Variants in ARFIP1 observed in about 807,000 individuals in gnomAD.
ARFIP1 encodes the protein arfaptin-1.
ARFIP1 carries 24 observed loss-of-function variants against 42.5 expected under a neutral mutation model. That is an observed-to-expected ratio of 0.57 (90% CI 0.41 to 0.80). ARFIP1 has a LOEUF of 0.80. Among genes scored for constraint, ARFIP1 ranks in the 30% least tolerant of loss-of-function variants. The pLI is 0.00. For missense variants in ARFIP1, 354 were observed against 434.0 expected (o/e 0.82, Z 1.64); for synonymous variants, 141 against 153.7 (o/e 0.92, Z 0.61).
At chr4:152,835,028 G>C (rs1731541066) in intron 2 of ARFIP1, among the ~76,000 whole-genome samples, 1 of 152,134 alleles carries the variant, frequency 6.6e-6, no homozygotes, top group South Asian at 2.1e-4. Flanking sequence ...TTTTCTTCTA[G>C]GCCTCTGGTC....
In ARFIP1 at chr4:152,882,800, T is replaced by C; in HGVS notation, c.711T>C (p.Phe237=). 6.2e-7 allele frequency: 1 copy of C among 1,613,224 alleles called. No individual in the cohort carries two copies. The highest frequency in any genetic ancestry group is 8.5e-7 in the Non-Finnish European group (1 of 1,179,470). ...NGETLLGAIN[F]FIASVNTLVN... is the part of the protein sequence containing the mutation. ...AGACTCTTCTTGGGGCCATTAATTT[T>C]TTCATTGCTAGTGTGAACACTTTGG... The change falls in exon 7 of 9, where the codon TTT becomes TTC. Residue 237 remains phenylalanine, a synonymous_variant. Coordinates refer to ENST00000353617, the MANE Select transcript of ARFIP1 (RefSeq NM_001025595.3).
At chr4:152,903,709 A>G (rs1738037154) in intron 8 of ARFIP1, among the ~76,000 whole-genome samples, 1 of 152,040 alleles carries the variant, frequency 6.6e-6, no homozygotes. Context: ...TTGATTTCCC[A>G]TGGATTAAGT....
At chr4:152,815,772 T>C (rs1344119609) in intron 1 of ARFIP1, among the ~76,000 whole-genome samples, 2 of 131,682 alleles carry the variant, frequency 1.5e-5, no homozygotes, top group Non-Finnish European at 3.1e-5. Context: ...TGAGACGGAG[T>C]CTCGCTCTGT....
At chr4:152,893,467 G>C (rs534054156) in intron 8 of ARFIP1, among the ~76,000 whole-genome samples, 9 of 152,084 alleles carry the variant, frequency 5.9e-5, no homozygotes, top group Admixed American at 1.3e-4. Flanking sequence ...TGAAAAAATA[G>C]TTGAAGGTTA....
At chr4:152,822,079 TAAC>T (rs1730414032) in intron 1 of ARFIP1, among the ~76,000 whole-genome samples, 1 of 151,994 alleles carries the variant, frequency 6.6e-6, no homozygotes, top group Non-Finnish European at 1.5e-5. Flanking sequence ...AGTCACTAGG[TAAC>T]AACATGATGA....
At chr4:152,803,562 C>T (rs1419129541) in intron 1 of ARFIP1, among the ~76,000 whole-genome samples, 1 of 152,098 alleles carries the variant, frequency 6.6e-6, no homozygotes, top group Non-Finnish European at 1.5e-5. Context: ...AATCCACCCC[C>T]AACATCCCCA....
At chr4:152,867,466 G>A (rs746474458) in intron 3 of ARFIP1, among the ~76,000 whole-genome samples, 5 of 152,172 alleles carry the variant, frequency 3.3e-5, no homozygotes, top group Admixed American at 3.3e-4. Flanking sequence ...GCTTCTGCTC[G>A]GCATCAGAGG....
intron 1 of ARFIP1, among the ~76,000 whole-genome samples, chr4:152,825,231 G>A (rs1349404339): frequency 6.6e-6 from 1 of 151,762 alleles, no homozygotes; most frequent in Non-Finnish European, 1.5e-5. Context: ...AACCAAAAAA[G>A]AGCCCAAATA....
Position 152,910,611 on chromosome 4 carries a change from A to C in ARFIP1, c.*392A>C, listed in dbSNP as rs1738769595. The C allele has an allele frequency of 6.3e-6, 1 of 158,954 alleles. No homozygotes were observed. The highest frequency in any genetic ancestry group is 2.4e-5 in the African/African-American group (1 of 41,574). 9.8% of individuals were successfully genotyped at this position (158,954 alleles called of 1,614,324 possible). ...TTTACATGATTTGTATCAACATCAG[A>C]TATTTTATATGTGAATATATTAAAC... is the stretch of plus-strand genomic sequence containing the variant. On this transcript the variant is annotated 3_prime_UTR_variant, in exon 9 of 9. Coordinates refer to ENST00000353617, the MANE Select transcript of ARFIP1 (RefSeq NM_001025595.3).
At chr4:152,890,675 T>A (rs1381950235) in intron 8 of ARFIP1, among the ~76,000 whole-genome samples, 1 of 152,062 alleles carries the variant, frequency 6.6e-6, no homozygotes. Context: ...GGATTGGGAA[T>A]TTTTTCTGTT....
chr4:152,899,964 C>T (rs372965155), intron 8 of ARFIP1, among the ~76,000 whole-genome samples: 2 of 152,074 alleles, frequency 1.3e-5, no homozygotes, highest in African/African-American at 2.4e-5. Context: ...TAGATCTCTC[C>T]GACTCCACAG....
rs1738889953 is a variant in ARFIP1 at position 152,912,077 on chromosome 4, ACATGTC to A, written c.*1862_*1867del. Reference sequence around the variant, plus strand: ...AATGTGAATCTCTTTTGAGAGCTGAACATGTCCATTCTTAACCACATTTCAATAACA... The same window carrying A: ...AATGTGAATCTCTTTTGAGAGCTGAACATTCTTAACCACATTTCAATAACA... On this transcript the variant is annotated 3_prime_UTR_variant, in exon 9 of 9. Transcript: ENST00000353617. The A allele has an allele frequency of 6.6e-6, 1 of 152,346 alleles. No homozygotes were observed. The highest frequency in any genetic ancestry group is 6.5e-5 in the Admixed American group (1 of 15,274). The allele number at this position is 152,346 out of a possible 1,614,324, so 9.4% of individuals were successfully genotyped here.
intron 1 of ARFIP1, among the ~76,000 whole-genome samples, chr4:152,781,375 A>G (rs1449581735): frequency 6.6e-6 from 1 of 150,842 alleles, no homozygotes; most frequent in African/African-American, 2.4e-5. Context: ...AGCTGGGTTT[A>G]CAGGTAGGCG....
chr4:152,861,993 C>A (rs1733932765), intron 2 of ARFIP1, among the ~76,000 whole-genome samples: 1 of 152,118 alleles, frequency 6.6e-6, no homozygotes, highest in South Asian at 2.1e-4. Flanking sequence ...CCAAGCTGTT[C>A]TTACATGTCT....
At chr4:152,877,680 C>T (rs1219568137) in intron 5 of ARFIP1, among the ~76,000 whole-genome samples, 2 of 152,058 alleles carry the variant, frequency 1.3e-5, no homozygotes, top group East Asian at 3.9e-4. Flanking sequence ...TCACCCAAAT[C>T]TCAACTTGAG....
At chr4:152,796,395 C>T in intron 1 of ARFIP1, 1 of 731,126 alleles carries the variant, frequency 1.4e-6, no homozygotes, top group Non-Finnish European at 2.5e-6. Context: ...ACTTCAGTAA[C>T]CATCCTCTTC....
intron 5 of ARFIP1, among the ~76,000 whole-genome samples, chr4:152,876,926 A>G (rs1208662225): frequency 6.6e-6 from 1 of 152,258 alleles, no homozygotes. Flanking sequence ...GTGGGTGCAC[A>G]GAAGTCAGGA....
In ARFIP1 at chr4:152,882,871, A is replaced by G; in HGVS notation, c.782A>G (p.Glu261Gly). ...EDTLMTVKQY[E>G]SARIEYDAYR... ...ACATTAATGACTGTGAAACAGTATG[A>G]AAGTGCCAGGTAAGGTATACATTTT... The change falls in exon 7 of 9, where the codon GAA becomes GGA. Residue 261 changes from glutamate to glycine, a missense_variant. Transcript: ENST00000353617. 6.2e-7 allele frequency: 1 copy of G among 1,606,254 alleles called. No individual in the cohort carries two copies. Among genetic ancestry groups the G allele is most frequent in the Non-Finnish European group, 8.5e-7 (1 of 1,177,108 alleles).
At chr4:152,788,306 G>C (rs1730933688) in intron 1 of ARFIP1, among the ~76,000 whole-genome samples, 2 of 152,202 alleles carry the variant, frequency 1.3e-5, no homozygotes, top group Non-Finnish European at 2.9e-5. Flanking sequence ...TTTTGTAATA[G>C]ACCCTTTTAT....
Sources: allele counts gnomAD v4.1 joint callset (sites outside exome capture counted in the v4.1 genomes callset), GRCh38; gene constraint gnomAD v4.1.1; transcripts MANE v1.5; gene names NCBI Gene and HGNC (gene_info 2026-07-23, HGNC 2026-07-21).